NCAPG2: variants seen among roughly 807,000 people sequenced by gnomAD.
The protein encoded by NCAPG2 is non-SMC condensin II complex subunit G2.
Under a neutral mutation model 141.1 loss-of-function variants are expected in NCAPG2, and 53 were observed. The observed-to-expected ratio is 0.38, with a 90% CI of 0.30 to 0.47. The LOEUF (loss-of-function observed/expected upper bound fraction) is 0.47. NCAPG2 is among the 20% of genes least tolerant of loss of function. NCAPG2 has a pLI of 0.99. For missense variants in NCAPG2, 1,087 were observed against 1,389.0 expected, an observed-to-expected ratio of 0.78 and a Z score of 3.46; for synonymous variants, 499 against 490.7, an observed-to-expected ratio of 1.02 and a Z score of -0.22.
At chr7:158,672,217 T>C (rs1374273970) in intron 12 of NCAPG2, among the ~76,000 whole-genome samples, 2 of 149,550 alleles carry the variant, frequency 1.3e-5, no homozygotes, top group Non-Finnish European at 3.0e-5. Flanking sequence ...CTCCATCTAG[T>C]TTCAGGAGAA....
At chr7:158,632,296 G>A (rs1355485700) in intron 27 of NCAPG2, among the ~76,000 whole-genome samples, 1 of 152,196 alleles carries the variant, frequency 6.6e-6, no homozygotes, top group African/African-American at 2.4e-5. Flanking sequence ...CTTGCCAGAC[G>A]TTGTCCTCAC....
intron 16 of NCAPG2, among the ~76,000 whole-genome samples, chr7:158,659,027 A>T (rs1174069972): frequency 0.015 from 60 of 3,924 alleles, no homozygotes; most frequent in Admixed American, 0.04. Context: ...ATTATATTTA[A>T]AAAAAAAAAA....
At chr7:158,672,304 A>G (rs1833757386) in intron 12 of NCAPG2, among the ~76,000 whole-genome samples, 1 of 20,234 alleles carries the variant, frequency 4.9e-5, no homozygotes, top group East Asian at 1.9e-3. Flanking sequence ...ATATATATAT[A>G]TATATATATA....
intron 23 of NCAPG2, 38 bp downstream of exon 23, chr7:158,652,255 C>T (rs1377727369): frequency 5.7e-6 from 9 of 1,584,924 alleles, no homozygotes; most frequent in Non-Finnish European, 7.7e-6. Context: ...CCCTGAAAAG[C>T]CCATCTAGCG....
chr7:158,676,353 C>T (rs1416571161), intron 11 of NCAPG2, among the ~76,000 whole-genome samples: 1 of 152,136 alleles, frequency 6.6e-6, no homozygotes, highest in African/African-American at 2.4e-5. Flanking sequence ...AAACAAAACA[C>T]AAAAAGATTA....
intron 27 of NCAPG2, chr7:158,641,418 A>G: frequency 1.8e-6 from 1 of 567,352 alleles, no homozygotes. Context: ...AGACACATAT[A>G]GATAGAAATT....
intron 11 of NCAPG2, among the ~76,000 whole-genome samples, chr7:158,675,943 T>C (rs1834024587): frequency 6.6e-6 from 1 of 152,176 alleles, no homozygotes; most frequent in Non-Finnish European, 1.5e-5. Context: ...CAGCTGACCA[T>C]GGCAGGTGTT....
At chr7:158,646,887 G>C (rs1162572480) in intron 24 of NCAPG2, among the ~76,000 whole-genome samples, 1 of 151,930 alleles carries the variant, frequency 6.6e-6, no homozygotes, top group Non-Finnish European at 1.5e-5. Flanking sequence ...AAATTAGCTG[G>C]GCATGGTGGT....
intron 13 of NCAPG2, among the ~76,000 whole-genome samples, chr7:158,665,537 C>G (rs767820472): frequency 2.6e-5 from 4 of 152,332 alleles, no homozygotes; most frequent in Non-Finnish European, 4.4e-5. Context: ...TCTCAAGAAC[C>G]TTGCTCCAAG....
At chr7:158,700,926 C>A (rs1835738915) in intron 2 of NCAPG2, among the ~76,000 whole-genome samples, 1 of 152,182 alleles carries the variant, frequency 6.6e-6, no homozygotes, top group Admixed American at 6.5e-5. Flanking sequence ...GAGATAACTG[C>A]AGGCATTCCC....
intron 11 of NCAPG2, among the ~76,000 whole-genome samples, chr7:158,676,728 A>G (rs1339632570): frequency 6.6e-6 from 1 of 152,162 alleles, no homozygotes; most frequent in Non-Finnish European, 1.5e-5. Flanking sequence ...GACATTTTCT[A>G]TTAGAAACGT....
At chr7:158,664,390 G>C in intron 14 of NCAPG2, 94 bp from the exon 15 acceptor site, 6 of 1,507,176 alleles carry the variant, frequency 4.0e-6, no homozygotes, top group Non-Finnish European at 5.5e-6. Flanking sequence ...TTAGTCAAAA[G>C]TACTATTTTA....
intron 24 of NCAPG2, 23 bp from the exon 25 acceptor site, chr7:158,646,586 A>G (rs754313021): frequency 5.3e-6 from 8 of 1,497,148 alleles, no homozygotes; most frequent in Non-Finnish European, 6.3e-6. Context: ...CAAATCAGCA[A>G]GTTGTAAACA....
chr7:158,703,133 T>C lies in NCAPG2; in HGVS notation c.-39-1195A>G, dbSNP rs368508425. 2.1e-4 allele frequency among the ~76,000 whole-genome samples: 32 copies of C among 152,360 alleles called. 1 individual carries two copies. In the South Asian group the frequency reaches 6.6e-3, roughly 32 times the overall value. On this transcript the variant is annotated intron_variant, in intron 1 of 27. Coordinates refer to ENST00000356309, the MANE Select transcript of NCAPG2 (RefSeq NM_017760.7). ...CCTCTAGGTGTAGGCAAGTCCACTC[T>C]GTGATGTTCATGCAATGATGAAATT...
chr7:158,670,560 C>G (rs1347738894), intron 13 of NCAPG2, among the ~76,000 whole-genome samples: 1 of 152,202 alleles, frequency 6.6e-6, no homozygotes, highest in Non-Finnish European at 1.5e-5. Context: ...TCCCCCTCAC[C>G]TCATCACCCT....
intron 27 of NCAPG2, among the ~76,000 whole-genome samples, chr7:158,641,816 G>A (rs1830671400): frequency 6.6e-6 from 1 of 152,166 alleles, no homozygotes; most frequent in Non-Finnish European, 1.5e-5. Flanking sequence ...TATTATAGTT[G>A]GAGACTATAA....
intron 11 of NCAPG2, among the ~76,000 whole-genome samples, chr7:158,677,068 C>T (rs937513720): frequency 1.3e-5 from 2 of 152,118 alleles, no homozygotes; most frequent in Non-Finnish European, 2.9e-5. Context: ...CAAACAACCC[C>T]TGATGAGGCA....
At chr7:158,646,288 A>G (rs2129457671) in intron 25 of NCAPG2, among the ~76,000 whole-genome samples, 172 bp downstream of exon 25, 1 of 152,348 alleles carries the variant, frequency 6.6e-6, no homozygotes, top group Admixed American at 6.5e-5. Flanking sequence ...GTGTAAGTTT[A>G]ATGTAAATAT....
chr7:158,692,279 C>T (rs1450523177), intron 4 of NCAPG2, among the ~76,000 whole-genome samples: 3 of 151,686 alleles, frequency 2.0e-5, no homozygotes. Flanking sequence ...TGCACTTCAG[C>T]ATAGGCAACA....
Sources: allele counts gnomAD v4.1 joint callset (sites outside exome capture counted in the v4.1 genomes callset), GRCh38; gene constraint gnomAD v4.1.1; transcripts MANE v1.5; gene names NCBI Gene and HGNC (gene_info 2026-07-23, HGNC 2026-07-21).